SYNCRIP: variants seen among roughly 807,000 people sequenced by gnomAD.
The protein encoded by SYNCRIP is synaptotagmin binding cytoplasmic RNA interacting protein, also known as heterogeneous nuclear ribonucleoprotein Q.
A neutral mutation model predicts 68.9 loss-of-function variants in SYNCRIP; 9 were observed. The ratio of observed to expected loss-of-function variants is 0.13; its 90% confidence interval spans 0.08 to 0.23. SYNCRIP has a LOEUF of 0.23. SYNCRIP is among the 10% of genes least tolerant of loss of function. The pLI is 1.00. For synonymous variants in SYNCRIP, 258 were observed against 254.0 expected (o/e 1.02, Z -0.15); for missense variants, 414 against 770.6 (o/e 0.54, Z 5.48).
intron 2 of SYNCRIP, among the ~76,000 whole-genome samples, chr6:85,641,015 C>T (rs1005042473): frequency 2.0e-5 from 3 of 152,198 alleles, no homozygotes; most frequent in African/African-American, 4.8e-5. Flanking sequence ...TCAAAAAAGT[C>T]ACATGGCCTG....
rs1483399261 is a variant in SYNCRIP, at chr6:85,639,143, G to A, written c.375+1078C>T. ...GAATTGCTCGAACCCGCGAGGTGGAGGTTGCAGTGAGCCAAGATCACGCCA... is the reference window on the plus strand; with the variant it reads ...GAATTGCTCGAACCCGCGAGGTGGAAGTTGCAGTGAGCCAAGATCACGCCA... On this transcript the variant is annotated intron_variant, in intron 4 of 10. Transcript: ENST00000369622. 5.9e-5 allele frequency among the ~76,000 whole-genome samples: 9 copies of A among 152,270 alleles called. No homozygotes were observed. In the East Asian group the frequency reaches 1.5e-3, roughly 26 times the overall value.
intron 6 of SYNCRIP, among the ~76,000 whole-genome samples, chr6:85,626,703 T>C (rs1328802641): frequency 1.3e-5 from 2 of 152,212 alleles, no homozygotes; most frequent in East Asian, 1.9e-4. Context: ...AGACAGCTAA[T>C]CTGTAACATA....
At chr6:85,636,764 T>C (rs1386984206) in intron 6 of SYNCRIP, among the ~76,000 whole-genome samples, 1 of 152,164 alleles carries the variant, frequency 6.6e-6, no homozygotes, top group Non-Finnish European at 1.5e-5. Context: ...AATTCTACCA[T>C]GCCGCCTTTT....
chr6:85,619,800 T>C (rs995292913), intron 8 of SYNCRIP, among the ~76,000 whole-genome samples: 8 of 152,088 alleles, frequency 5.3e-5, no homozygotes, highest in Non-Finnish European at 8.8e-5. Flanking sequence ...CAAAAGGGTA[T>C]AGCCCCTTTG....
chr6:85,621,088 C>G (rs1162386627), intron 8 of SYNCRIP, among the ~76,000 whole-genome samples: 2 of 152,198 alleles, frequency 1.3e-5, no homozygotes, highest in African/African-American at 4.8e-5. Context: ...CTAACATTAT[C>G]ACTTCCTCCT....
chr6:85,640,560 T>C lies in SYNCRIP; in HGVS notation c.153A>G (p.Leu51=). The C allele has an allele frequency of 2.6e-6, 4 of 1,557,318 alleles. No homozygotes were observed. Among genetic ancestry groups the C allele is most frequent in the South Asian group, 1.2e-5 (1 of 83,178 alleles). ...EKLDEIYVAG[L]VAHSDLDERA... ...TTTCATCTAAATCACTATGTGCAAC[T>C]AGCCCTGAAAAAAATAAAAGTTATC... The change falls in exon 3 of 11, where the codon CTA becomes CTG. Residue 51 remains leucine, a synonymous_variant. Coordinates refer to ENST00000369622, the MANE Select transcript of SYNCRIP (RefSeq NM_006372.5).
At chr6:85,619,636 T>A (rs1271752902) in intron 8 of SYNCRIP, among the ~76,000 whole-genome samples, 1 of 152,082 alleles carries the variant, frequency 6.6e-6, no homozygotes, top group African/African-American at 2.4e-5. Context: ...AAAAAAGATA[T>A]ACAGATGGCA....
At chr6:85,640,173 A>G (rs1808963577) in intron 4 of SYNCRIP, 48 bp downstream of exon 4, 7 of 1,312,492 alleles carry the variant, frequency 5.3e-6, no homozygotes, top group Non-Finnish European at 7.6e-6. Flanking sequence ...CAAAATTAGG[A>G]AACAGTTAAA....
intron 10 of SYNCRIP, among the ~76,000 whole-genome samples, chr6:85,617,711 G>C (rs747985764): frequency 1.5e-4 from 23 of 152,330 alleles, no homozygotes; most frequent in Middle Eastern, 3.4e-3. Flanking sequence ...ACTAGAACTT[G>C]ATCAATTCCC....
intron 6 of SYNCRIP, among the ~76,000 whole-genome samples, chr6:85,625,491 A>G (rs893187153): frequency 1.3e-5 from 2 of 151,262 alleles, no homozygotes; most frequent in African/African-American, 4.9e-5. Flanking sequence ...GGGTTCAAGC[A>G]ATTCTCCTCC....
intron 8 of SYNCRIP, among the ~76,000 whole-genome samples, chr6:85,620,755 GC>G (rs1806293872): frequency 6.6e-6 from 1 of 152,118 alleles, no homozygotes. Flanking sequence ...AAGTCATATG[GC>G]AATTCTGTGC....
chr6:85,627,611 A>C (rs1583281902), intron 6 of SYNCRIP, among the ~76,000 whole-genome samples: 1 of 152,196 alleles, frequency 6.6e-6, no homozygotes, highest in East Asian at 1.9e-4. Context: ...AATGTGAATA[A>C]GAGATTCTAA....
chr6:85,629,758 G>A (rs1254657763), intron 6 of SYNCRIP, among the ~76,000 whole-genome samples: 1 of 151,960 alleles, frequency 6.6e-6, no homozygotes, highest in Non-Finnish European at 1.5e-5. Context: ...GGAGGCGGAG[G>A]CTGCAGTGAG....
intron 7 of SYNCRIP, among the ~76,000 whole-genome samples, chr6:85,623,197 T>C (rs1806617517): frequency 6.6e-6 from 1 of 152,122 alleles, no homozygotes; most frequent in Non-Finnish European, 1.5e-5. Flanking sequence ...ACCAAAATAT[T>C]TTCTAAAAGC....
intron 1 of SYNCRIP, 132 bp from the exon 2 acceptor site, chr6:85,641,583 A>G: frequency 1.1e-6 from 1 of 872,468 alleles, no homozygotes; most frequent in Non-Finnish European, 1.7e-6. Flanking sequence ...AAAAAGCCTT[A>G]CAGTCACTAT....
exon 12 of SYNCRIP, chr6:85,608,896 C>G (rs550828962): frequency 1.7e-4 from 26 of 151,916 alleles, no homozygotes; most frequent in Admixed American, 8.5e-4. Flanking sequence ...AGTGACAGAC[C>G]CCAAAAGTCC....
chr6:85,640,421 A>C (rs1353056901), intron 3 of SYNCRIP, 25 bp downstream of exon 3: 1 of 1,587,082 alleles, frequency 6.3e-7, no homozygotes, highest in Non-Finnish European at 8.6e-7. Flanking sequence ...AAATTTTTTA[A>C]TTTTCACATT....
At chr6:85,609,946 CTACAT>C (rs1246488723), downstream of SYNCRIP, 1 of 151,862 alleles carries the variant, frequency 6.6e-6, no homozygotes, top group Admixed American at 6.6e-5. Flanking sequence ...TAGCAATAAC[CTACAT>C]TAGTTAACAT....
intron 1 of SYNCRIP, 133 bp from the exon 2 acceptor site, chr6:85,641,584 C>T: frequency 1.2e-6 from 1 of 857,908 alleles, no homozygotes; most frequent in Non-Finnish European, 1.7e-6. Context: ...AAAAGCCTTA[C>T]AGTCACTATC....
Sources: allele counts gnomAD v4.1 joint callset (sites outside exome capture counted in the v4.1 genomes callset), GRCh38; gene constraint gnomAD v4.1.1; transcripts MANE v1.5; gene names NCBI Gene and HGNC (gene_info 2026-07-23, HGNC 2026-07-21).